Variants in SCGN observed in about 807,000 individuals in gnomAD.
SCGN encodes the protein secretagogin.
Under a neutral mutation model 39.7 loss-of-function variants are expected in SCGN, and 30 were observed. That is an observed-to-expected ratio of 0.76 (90% confidence interval 0.57 to 1.03). SCGN has a LOEUF of 1.03. Ranked by LOEUF, SCGN falls within the 50% of genes least tolerant of loss-of-function variation. The pLI is 0.00. For synonymous variants in SCGN, 106 were observed against 114.1 expected, an observed-to-expected ratio of 0.93 and a Z score of 0.45; for missense variants, 353 against 349.4, an observed-to-expected ratio of 1.01 and a Z score of -0.08.
chr6:25,665,146 C>T, intron 4 of SCGN, 114 bp downstream of exon 4: 1 of 798,022 alleles, frequency 1.3e-6, no homozygotes, highest in Middle Eastern at 3.2e-4. Context: ...GAGCTGAGCA[C>T]AGAGGATAAG....
intron 2 of SCGN, among the ~76,000 whole-genome samples, chr6:25,657,333 C>T (rs1389993112): frequency 5.9e-5 from 9 of 152,276 alleles, no homozygotes; most frequent in African/African-American, 2.2e-4. Context: ...CCTGTCTCTC[C>T]ATCTAGAGCT....
intron 10 of SCGN, among the ~76,000 whole-genome samples, chr6:25,700,412 A>G (rs753964805): frequency 1.4e-4 from 22 of 152,252 alleles, no homozygotes; most frequent in South Asian, 2.1e-4. Flanking sequence ...TGAGCACTCA[A>G]TTGGAATCAG....
Position 25,652,481 on chromosome 6 carries a change from G to T in SCGN, c.78G>T (p.Ala26=). ...GGCAGGTCTGGCAGCGCTTTGATGCGGATGGTGAGTAGAACAAGCCACTTG... is the reference window on the plus strand; with the variant it reads ...GGCAGGTCTGGCAGCGCTTTGATGCTGATGGTGAGTAGAACAAGCCACTTG... ...GFWQVWQRFD[A]DEKGYIEEKE... Residue 26 remains alanine (A), a synonymous_variant, in exon 1 of 11, where the codon GCG becomes GCT. Transcript: ENST00000377961. 6.2e-7 allele frequency: 1 copy of T among 1,613,830 alleles called. No individual in the cohort carries two copies. The highest frequency in any genetic ancestry group is 1.3e-5 in the African/African-American group (1 of 75,028).
At chr6:25,678,844 T>C (rs1394650351) in intron 6 of SCGN, 3 of 155,070 alleles carry the variant, frequency 1.9e-5, no homozygotes, top group African/African-American at 4.8e-5. Flanking sequence ...TCCGCAGCTG[T>C]CAGTGCTGTC....
chr6:25,694,193 T>C (rs553998296), intron 10 of SCGN, among the ~76,000 whole-genome samples: 41 of 152,342 alleles, frequency 2.7e-4, no homozygotes, highest in Admixed American at 3.3e-4. Flanking sequence ...GTAATTTTGC[T>C]GGATCCCTTC....
intron 3 of SCGN, among the ~76,000 whole-genome samples, chr6:25,663,552 T>C (rs1760376914): frequency 6.6e-6 from 1 of 152,194 alleles, no homozygotes; most frequent in Admixed American, 6.5e-5. Context: ...AGGACCAGGA[T>C]ATCAATATTA....
intron 6 of SCGN, among the ~76,000 whole-genome samples, chr6:25,680,498 T>A (rs988446651): frequency 3.9e-5 from 6 of 152,236 alleles, no homozygotes; most frequent in African/African-American, 1.4e-4. Flanking sequence ...TGGTGTTTAG[T>A]TCAACCCAGG....
intron 7 of SCGN, among the ~76,000 whole-genome samples, chr6:25,683,679 A>T (rs1273379872): frequency 1.3e-5 from 2 of 152,248 alleles, no homozygotes; most frequent in Non-Finnish European, 2.9e-5. Flanking sequence ...AAGTGGTCAG[A>T]TGCTTTCACC....
At chr6:25,699,898 C>A (rs1424499850) in intron 10 of SCGN, among the ~76,000 whole-genome samples, 1 of 151,966 alleles carries the variant, frequency 6.6e-6, no homozygotes, top group African/African-American at 2.4e-5. Flanking sequence ...TTTCAGGGTA[C>A]TTGAGTAAGC....
At chr6:25,663,382 T>G (rs73399723) in intron 3 of SCGN, among the ~76,000 whole-genome samples, 42,570 of 152,074 alleles carry the variant, frequency 0.28, 6,018 homozygotes, top group African/African-American at 0.32. Flanking sequence ...GTCAATATGG[T>G]GGAATATGAA....
rs148850055 is a variant in SCGN, at chr6:25,681,981, C to T, written c.502C>T (p.Arg168Trp). The change falls in exon 7 of 11, where the codon CGG becomes TGG. Residue 168 changes from arginine (R) to tryptophan (W), a missense_variant. Arg to Trp is a moderately radical substitution (Grantham distance 101, BLOSUM62 -3). Coordinates refer to ENST00000377961, the MANE Select transcript of SCGN (RefSeq NM_006998.4). ...GATTTTTGACAGAAATAAAGATGGT[C>T]GGTTGGATCTAAATGACTTAGCAAG... is the stretch of plus-strand genomic sequence containing the variant. ...MKIFDRNKDG[R>W]LDLNDLARIL... 2.0e-5 allele frequency: 32 copies of T among 1,613,300 alleles called. No homozygotes were observed. Among genetic ancestry groups the T allele is most frequent in the South Asian group, 7.7e-5 (7 of 91,056 alleles).
At chr6:25,669,110 C>A (rs79312084) in intron 4 of SCGN, among the ~76,000 whole-genome samples, 320 of 137,636 alleles carry the variant, frequency 2.3e-3, no homozygotes, top group Middle Eastern at 3.9e-3. Context: ...GACTCCGTCT[C>A]AAAAAAAAAA....
At chr6:25,653,738 T>C (rs771415500) in intron 2 of SCGN, among the ~76,000 whole-genome samples, 27 of 152,352 alleles carry the variant, frequency 1.8e-4, no homozygotes, top group Non-Finnish European at 3.4e-4. Context: ...GTCTCCTTGG[T>C]TATGTCTCTG....
intron 3 of SCGN, among the ~76,000 whole-genome samples, chr6:25,663,172 G>C (rs972792734): frequency 1.3e-5 from 2 of 152,178 alleles, no homozygotes; most frequent in African/African-American, 4.8e-5. Flanking sequence ...AAGGCCTTTT[G>C]TTTCCCCTAC....
chr6:25,668,929 G>A (rs2064763), intron 4 of SCGN, among the ~76,000 whole-genome samples: 42,777 of 151,976 alleles, frequency 0.28, 6,131 homozygotes, highest in African/African-American at 0.33. Flanking sequence ...GGCTAACACG[G>A]TGAAACCCCA....
At chr6:25,689,893 C>T (rs1205133911) in intron 9 of SCGN, among the ~76,000 whole-genome samples, 2 of 152,052 alleles carry the variant, frequency 1.3e-5, no homozygotes, top group Non-Finnish European at 2.9e-5. Context: ...AAAGTCATAC[C>T]TATTTATCAT....
intron 10 of SCGN, among the ~76,000 whole-genome samples, chr6:25,692,871 A>G (rs1000619640): frequency 8.5e-5 from 13 of 152,066 alleles, no homozygotes; most frequent in African/African-American, 2.9e-4. Context: ...TTCCCTCACT[A>G]TGAAAAGAAC....
At chr6:25,656,250 A>C (rs1344736538) in intron 2 of SCGN, among the ~76,000 whole-genome samples, 2 of 152,186 alleles carry the variant, frequency 1.3e-5, no homozygotes, top group African/African-American at 2.4e-5. Context: ...AGGCCTCCAC[A>C]ATCAGGCAGC....
Position 25,681,090 on chromosome 6 carries a change from A to G in SCGN, c.472-861A>G, listed in dbSNP as rs1032389452. On this transcript the variant is annotated intron_variant, in intron 6 of 10. Transcript: ENST00000377961. ...ATCTGCAAAGAAATCTCTCTCTTCT[A>G]TTTTGCCCAAACCAATCTGGTCTTT... 1.1e-4 allele frequency among the ~76,000 whole-genome samples: 16 copies of G among 152,350 alleles called. 1 individual carries two copies. Among genetic ancestry groups the G allele is most frequent in the Admixed American group, 8.5e-4 (13 of 15,306 alleles).
Sources: gnomAD v4.1 joint callset for allele counts (sites outside exome capture counted in the v4.1 genomes callset) on GRCh38, gnomAD v4.1.1 for gene constraint, MANE v1.5 for transcripts, NCBI Gene and HGNC (gene_info 2026-07-23, HGNC 2026-07-21) for gene names.